RBM33: variants seen among roughly 807,000 people sequenced by gnomAD.
RBM33 encodes the protein RNA binding motif protein 33, also known as RNA-binding protein 33.
Under a neutral mutation model 132.6 loss-of-function variants are expected in RBM33, and 28 were observed. The observed-to-expected ratio is 0.21, with a 90% CI of 0.16 to 0.29. RBM33 has a LOEUF of 0.29. Ranked by LOEUF, RBM33 falls within the 10% of genes least tolerant of loss-of-function variation. The probability of loss-of-function intolerance (pLI) is 1.00; values close to 1 mark genes in which losing one functional copy is unlikely to be tolerated. For missense variants in RBM33, 1,291 were observed against 1,518.5 expected, an observed-to-expected ratio of 0.85 and a Z score of 2.49; for synonymous variants, 634 against 593.0, an observed-to-expected ratio of 1.07 and a Z score of -1.01.
rs1233148103 is a variant in RBM33, at chr7:155,776,837, A to C, written c.*1796A>C. The C allele has an allele frequency of 6.6e-6, 1 of 152,154 alleles. No individual in the cohort carries two copies. Among genetic ancestry groups the C allele is most frequent in the Non-Finnish European group, 1.5e-5 (1 of 68,054 alleles). The allele number at this position is 152,154 out of a possible 1,614,324, so 9.4% of individuals were successfully genotyped here. On this transcript the variant is annotated 3_prime_UTR_variant, in exon 18 of 18. Coordinates refer to ENST00000401878, the MANE Select transcript of RBM33 (RefSeq NM_053043.3). This position sits in a 1 kb window ranked among gnomAD's most constrained non-coding sequence, Gnocchi z 4.0. The stretch of plus-strand genomic sequence containing the variant: ...CAGGTTCCCATGGCTGTCACTGCCC[A>C]CTCATTTCCACAGTTAGATACGGAT...
chr7:155,744,227 A>C (rs867581973), intron 13 of RBM33, among the ~76,000 whole-genome samples: 19 of 152,348 alleles, frequency 1.2e-4, no homozygotes, highest in Middle Eastern at 6.8e-3. Context: ...TGATTTTTAA[A>C]GAATATTATT....
At chr7:155,706,147 T>C (rs1167359549) in intron 6 of RBM33, among the ~76,000 whole-genome samples, 1 of 152,336 alleles carries the variant, frequency 6.6e-6, no homozygotes, top group South Asian at 2.1e-4. Flanking sequence ...AAAATCATAC[T>C]GCTGTAGGAC....
intron 9 of RBM33, among the ~76,000 whole-genome samples, chr7:155,734,855 GTT>G (rs1801062489): frequency 1.3e-5 from 2 of 152,022 alleles, no homozygotes; most frequent in African/African-American, 2.4e-5. Flanking sequence ...GAGGCAGGCA[GTT>G]GTTTCTTTTA....
chr7:155,711,424 C>A lies in RBM33; in HGVS notation c.1170C>A (p.His390Gln). The change falls in exon 8 of 18, where the codon CAC becomes CAA. Residue 390 changes from histidine (H) to glutamine (Q), a missense_variant. By Grantham distance (24) the His-to-Gln change is conservative. Coordinates refer to ENST00000401878, the MANE Select transcript of RBM33 (RefSeq NM_053043.3). Reference protein sequence around the residue: ...QQPKNIHINPHFKGTVVTPVQ... With the variant: ...QQPKNIHINPQFKGTVVTPVQ... ...CCAAGAACATACACATCAACCCGCA[C>A]TTCAAAGGGACGGTGGTCACGCCTG... The A allele has an allele frequency of 1.3e-6, 2 of 1,512,148 alleles. No individual in the cohort carries two copies. The highest frequency in any genetic ancestry group is 1.8e-6 in the Non-Finnish European group (2 of 1,128,716). 93.7% of individuals were successfully genotyped at this position (1,512,148 alleles called of 1,614,324 possible). A position where few individuals can be genotyped will look rare whatever the true frequency, so the allele number is the denominator to read the frequency against.
At chr7:155,664,051 A>T (rs543846454) in intron 1 of RBM33, among the ~76,000 whole-genome samples, 1 of 152,296 alleles carries the variant, frequency 6.6e-6, no homozygotes, top group South Asian at 2.1e-4. Flanking sequence ...CTCTGCTCTT[A>T]ATTGCCCTTT....
chr7:155,654,146 C>T (rs147235736), intron 1 of RBM33, among the ~76,000 whole-genome samples: 2 of 152,238 alleles, frequency 1.3e-5, no homozygotes, highest in African/African-American at 2.4e-5. Context: ...TAAACCAGCA[C>T]GTATATCCAT....
chr7:155,651,640 C>T (rs1337611102), intron 1 of RBM33, among the ~76,000 whole-genome samples: 1 of 149,750 alleles, frequency 6.7e-6, no homozygotes, highest in East Asian at 2.0e-4. Flanking sequence ...AGTGTCAGTT[C>T]CTATAGATTT....
chr7:155,724,303 T>G (rs1800714442), intron 9 of RBM33, among the ~76,000 whole-genome samples: 1 of 152,156 alleles, frequency 6.6e-6, no homozygotes, highest in Admixed American at 6.5e-5. Context: ...CTGAGGTGGG[T>G]GGCTCACTTG....
rs1283545845 is a variant in RBM33, at chr7:155,779,013, T to A, written c.*3972T>A. On this transcript the variant is annotated 3_prime_UTR_variant, in exon 18 of 18. Transcript: ENST00000401878. The stretch of plus-strand genomic sequence containing the variant: ...GAGGACTGCCAGCTCTTAAGAAACA[T>A]TCCTGGTGCGGTGTCTGCAGTGCCC... 1 of 152,352 alleles carries A rather than the reference T, an allele frequency of 6.6e-6. No homozygotes were observed. Among genetic ancestry groups the A allele is most frequent in the Non-Finnish European group, 1.5e-5 (1 of 68,060 alleles). The allele number at this position is 152,352 out of a possible 1,614,324, so 9.4% of individuals were successfully genotyped here.
chr7:155,730,363 T>C (rs1043482289), intron 9 of RBM33, among the ~76,000 whole-genome samples: 5 of 152,230 alleles, frequency 3.3e-5, no homozygotes, highest in African/African-American at 4.8e-5. Flanking sequence ...ACAGAAGATA[T>C]GGAAATATGT....
At position 155,644,897 on chromosome 7, in the gene RBM33, G is replaced by C; in HGVS notation, c.21G>C (p.Ala7=). MAAALG[A]SGGAGAGDDD... ...GTGCCATGGCGGCCGCCCTGGGAGC[G>C]AGCGGAGGAGCAGGCGCCGGAGGTA... The change falls in exon 1 of 18, where the codon GCG becomes GCC. Residue 7 remains alanine, a synonymous_variant. Transcript: ENST00000401878. The C allele has an allele frequency of 6.7e-7, 1 of 1,499,610 alleles. No individual in the cohort carries two copies. Among genetic ancestry groups the C allele is most frequent in the Non-Finnish European group, 8.8e-7 (1 of 1,130,694 alleles). 92.9% of individuals were successfully genotyped at this position (1,499,610 alleles called of 1,614,324 possible). A position where few individuals can be genotyped will look rare whatever the true frequency, so the allele number is the denominator to read the frequency against.
chr7:155,677,866 G>A (rs1799227142), intron 3 of RBM33, among the ~76,000 whole-genome samples: 1 of 152,106 alleles, frequency 6.6e-6, no homozygotes, highest in East Asian at 1.9e-4. Context: ...TTTCGTGAAG[G>A]GAGTAGTAAT....
At chr7:155,721,907 G>A (rs1800639281) in intron 9 of RBM33, among the ~76,000 whole-genome samples, 1 of 152,120 alleles carries the variant, frequency 6.6e-6, no homozygotes, top group African/African-American at 2.4e-5. Context: ...GTCAAAATAA[G>A]TGTCTTAAGA....
intron 5 of RBM33, among the ~76,000 whole-genome samples, chr7:155,689,543 A>T (rs1458713725): frequency 1.3e-5 from 2 of 150,080 alleles, no homozygotes; most frequent in Non-Finnish European, 2.9e-5. Context: ...CTTGCTTCTC[A>T]AGTTCTTTTA....
chr7:155,741,387 T>C (rs1013495922), intron 12 of RBM33, among the ~76,000 whole-genome samples: 9 of 152,258 alleles, frequency 5.9e-5, no homozygotes, highest in African/African-American at 1.9e-4. Context: ...GACCTGATGC[T>C]TGATTCTTTC....
At chr7:155,655,480 G>A (rs999164653) in intron 1 of RBM33, among the ~76,000 whole-genome samples, 4 of 144,944 alleles carry the variant, frequency 2.8e-5, no homozygotes, top group African/African-American at 1.0e-4. Context: ...CCGAGACTAT[G>A]TCAGAGTGTC....
chr7:155,721,629 T>C (rs2116996223), intron 9 of RBM33, among the ~76,000 whole-genome samples: 1 of 150,708 alleles, frequency 6.6e-6, no homozygotes, highest in Non-Finnish European at 1.5e-5. Flanking sequence ...TTAGAACTAG[T>C]ATGTCCAGAA....
chr7:155,697,125 A>T (rs1412677843), intron 5 of RBM33, among the ~76,000 whole-genome samples: 2 of 152,168 alleles, frequency 1.3e-5, no homozygotes. Context: ...CACTAAGTGT[A>T]GGCTACCTTA....
chr7:155,721,546 G>A (rs1361473847), intron 9 of RBM33, among the ~76,000 whole-genome samples: 1 of 152,018 alleles, frequency 6.6e-6, no homozygotes, highest in Non-Finnish European at 1.5e-5. Flanking sequence ...AAAAAAGGCA[G>A]ACAATACGCA....
Sources: allele counts gnomAD v4.1 joint callset (sites outside exome capture counted in the v4.1 genomes callset), GRCh38; gene constraint gnomAD v4.1.1; non-coding constraint Gnocchi (gnomAD v3.1); transcripts MANE v1.5; gene names NCBI Gene and HGNC (gene_info 2026-07-23, HGNC 2026-07-21).